RABL6: variants seen among roughly 807,000 people sequenced by gnomAD.
RABL6 encodes rab-like protein 6.
In RABL6, 28 loss-of-function variants were observed where a neutral mutation model predicts 72.9. The ratio of observed to expected loss-of-function variants is 0.38; its 90% CI spans 0.28 to 0.53. The LOEUF is 0.53. Ranked by LOEUF, RABL6 falls within the 20% of genes least tolerant of loss-of-function variation. The probability of loss-of-function intolerance (pLI) is 0.80; values close to 1 mark genes in which losing one functional copy is unlikely to be tolerated. For synonymous variants in RABL6, 477 were observed against 421.2 expected (o/e 1.13, Z -1.62); for missense variants, 1,029 against 1,008.4 (o/e 1.02, Z -0.28).
chr9:136,819,270 C>T (rs1260623183), intron 1 of RABL6, among the ~76,000 whole-genome samples: 2 of 147,690 alleles, frequency 1.4e-5, no homozygotes, highest in South Asian at 2.1e-4. Context: ...TGCAGTGAGC[C>T]GAGATGGTGC....
Position 136,840,433 on chromosome 9 carries a change from A to G in RABL6, c.2101A>G (p.Arg701Gly), listed in dbSNP as rs1457955913. 2.6e-6 allele frequency: 4 copies of G among 1,548,784 alleles called. No individual in the cohort carries two copies. Among genetic ancestry groups the G allele is most frequent in the Admixed American group, 3.9e-5 (2 of 50,852 alleles). Residue 701 changes from arginine (R) to glycine (G), a missense_variant, in exon 15 of 15, where the codon AGG (arginine) becomes GGG (glycine). Physicochemically the swap from Arg to Gly is moderately radical, Grantham distance 125 (BLOSUM62 -2). Transcript: ENST00000311502. Reference protein sequence around the residue: ...RQQRPPRSRERTAADELEAFL... With the variant: ...RQQRPPRSREGTAADELEAFL... The stretch of plus-strand genomic sequence containing the variant: ...GCAGCGGCCCCCGCGCAGCAGGGAG[A>G]GGACGGCTGCCGATGAGCTGGAGGC...
At chr9:136,832,779 G>C in intron 7 of RABL6, 1 of 330,972 alleles carries the variant, frequency 3.0e-6, no homozygotes. Context: ...CCAGGCGTGA[G>C]TCACCGAGGT....
rs1360262420 is a variant in RABL6, at chr9:136,826,338, C to T, written c.313+512C>T. 5.3e-5 allele frequency among the ~76,000 whole-genome samples: 8 copies of T among 152,194 alleles called. No homozygotes were observed. The East Asian group carries it at 1.5e-3, about 29-fold the overall frequency. On this transcript the variant is annotated intron_variant, in intron 3 of 14. Coordinates refer to ENST00000311502, the MANE Select transcript of RABL6 (RefSeq NM_024718.5). This position sits in a 1 kb window ranked among gnomAD's most constrained non-coding sequence, Gnocchi z 4.9. ...CTCCTCAGCCACAAGGTCATGAGTT[C>T]CTCTAAGTCCTCAGGGTGGAGCTCA...
chr9:136,812,946 C>T, intron 1 of RABL6: 1 of 353,204 alleles, frequency 2.8e-6, no homozygotes, highest in Non-Finnish European at 5.6e-6. Context: ...TAGGTTTGGC[C>T]CAGTCCAAGT....
chr9:136,839,685 C>T lies in RABL6; in HGVS notation c.1759-9C>T, dbSNP rs912783190. On this transcript the variant is annotated splice_polypyrimidine_tract_variant and intron_variant, in intron 12 of 14. Transcript: ENST00000311502. The stretch of plus-strand genomic sequence containing the variant: ...ATGATGGCCTGACCAGTTGCTCTCC[C>T]TGCTCCAGGATGACTTTCCCGTGCG... 6.4e-7 allele frequency: 1 copy of T among 1,573,616 alleles called. No homozygotes were observed. Among genetic ancestry groups the T allele is most frequent in the Non-Finnish European group, 8.6e-7 (1 of 1,156,620 alleles).
intron 7 of RABL6, chr9:136,833,661 A>ACCTGAACCTCCTTGCCTGGGCTGCCCCGC (rs1848528418): frequency 6.5e-7 from 1 of 1,535,412 alleles, no homozygotes. Context: ...GGCTGCCCCG[A>ACCTGAACCTCCTTGCCTGGGCTGCCCCGC]CTGGGTCTGG....
chr9:136,819,246 C>T lies in RABL6; in HGVS notation c.131-4279C>T, dbSNP rs576530951. Among the ~76,000 whole-genome samples, 749 of 149,892 alleles carry T rather than the reference C, an allele frequency of 5.0e-3. 7 individuals carry two copies. The highest frequency in any genetic ancestry group is 0.017 in the African/African-American group (711 of 40,716). On this transcript the variant is annotated intron_variant, in intron 1 of 14. Coordinates refer to ENST00000311502, the MANE Select transcript of RABL6 (RefSeq NM_024718.5). ...CTGAGGCAGGAGAATGGCGTGAACC[C>T]GGGAGGCGGAGCTTGCAGTGAGCCG...
At position 136,808,262 on chromosome 9, in the gene RABL6, C is replaced by A; in HGVS notation, c.66C>A (p.Pro22=). 1 of 1,566,268 alleles carries A rather than the reference C, an allele frequency of 6.4e-7. No homozygotes were observed. The highest frequency in any genetic ancestry group is 8.6e-7 in the Non-Finnish European group (1 of 1,157,558). The part of the protein sequence containing the change: ...DQAPGRDKNI[P]AGLQSMNQAL... ...CCCCGGGCCGGGACAAGAACATCCC[C>A]GCCGGGCTGCAGTCCATGAACCAGG... The change falls in exon 1 of 15, where the codon CCC becomes CCA. Residue 22 remains proline, a synonymous_variant. Transcript: ENST00000311502.
intron 1 of RABL6, chr9:136,813,494 C>G: frequency 2.1e-6 from 1 of 466,768 alleles, no homozygotes; most frequent in South Asian, 2.5e-5. Context: ...GGCCATCCAT[C>G]TCTGTTCCCT....
At chr9:136,834,186 C>T (rs1848540579) in intron 7 of RABL6, 1 of 1,252,904 alleles carries the variant, frequency 8.0e-7, no homozygotes, top group Non-Finnish European at 1.0e-6. Context: ...TTTATGTCAC[C>T]TAAAAATATT....
At position 136,839,072 on chromosome 9, in the gene RABL6, A is replaced by G. The variant is rs777001498; in HGVS notation, c.1444A>G (p.Lys482Glu). 27 of 1,612,394 alleles carry G rather than the reference A, an allele frequency of 1.7e-5. No individual in the cohort carries two copies. The highest frequency in any genetic ancestry group is 2.3e-5 in the Non-Finnish European group (27 of 1,179,776). Reference sequence around the variant, plus strand: ...GGAAGCAGAAGTGGCAGCTCCCACAAAAGGCCCTGCCCCAGCTCCCCAGCA... The same window carrying G: ...GGAAGCAGAAGTGGCAGCTCCCACAGAAGGCCCTGCCCCAGCTCCCCAGCA... ...EEEAEVAAPTKGPAPAPQQCS... is the reference protein window; with the variant it reads ...EEEAEVAAPTEGPAPAPQQCS... Residue 482 changes from lysine to glutamate, a missense_variant, in exon 11 of 15, where the codon AAA becomes GAA. Coordinates refer to ENST00000311502, the MANE Select transcript of RABL6 (RefSeq NM_024718.5).
intron 7 of RABL6, 126 bp downstream of exon 7, chr9:136,832,496 G>A (rs1848498478): frequency 1.2e-6 from 1 of 827,894 alleles, no homozygotes; most frequent in Non-Finnish European, 2.1e-6. Context: ...GAGATTGGCT[G>A]CTGGCAAGGG....
Position 136,832,552 on chromosome 9 carries a change from AG to A in RABL6, c.705+185del, listed in dbSNP as rs1588367318. On this transcript the variant is annotated intron_variant, in intron 7 of 14. Coordinates refer to ENST00000311502, the MANE Select transcript of RABL6 (RefSeq NM_024718.5). ...GCCTGCTCTGGGTGGCAGAGGGTAC[AG>A]GGTCCTGAGGGCTAGACCCAGTCCC... 7 of 693,386 alleles carry A rather than the reference AG, an allele frequency of 1.0e-5. No individual in the cohort carries two copies. The East Asian group carries it at 1.9e-4, about 19-fold the overall frequency. 43.0% of individuals were successfully genotyped at this position (693,386 alleles called of 1,614,324 possible). A position where few individuals can be genotyped will look rare whatever the true frequency, so the allele number is the denominator to read the frequency against.
At chr9:136,838,111 G>A in intron 10 of RABL6, 96 bp downstream of exon 10, 2 of 1,426,092 alleles carry the variant, frequency 1.4e-6, no homozygotes, top group Non-Finnish European at 9.5e-7. Context: ...CGCAGAAGGG[G>A]CCCCCCGCCG....
intron 4 of RABL6, 128 bp downstream of exon 4, chr9:136,828,674 C>A (rs1028077738): frequency 3.2e-6 from 3 of 942,824 alleles, no homozygotes; most frequent in African/African-American, 1.7e-5. Context: ...GGCCGCTGGC[C>A]TTCCCAACTG....
At chr9:136,832,236 C>T in intron 6 of RABL6, 29 bp from the exon 7 acceptor site, 1 of 1,595,688 alleles carries the variant, frequency 6.3e-7, no homozygotes, top group South Asian at 1.1e-5. Flanking sequence ...GGGTCTTTCT[C>T]TTGCATCTTT....
At chr9:136,840,088 T>A (rs1588375925) in intron 13 of RABL6, 66 bp from the exon 14 acceptor site, 2 of 1,604,236 alleles carry the variant, frequency 1.2e-6, no homozygotes, top group East Asian at 4.5e-5. Context: ...TCTAGAGAAG[T>A]CCTGTCACCC....
At chr9:136,817,574 T>TGGGGAGGCCGACTTGGGCTGA (rs1848145774) in intron 1 of RABL6, among the ~76,000 whole-genome samples, 1 of 104,674 alleles carries the variant, frequency 9.6e-6, no homozygotes, top group Non-Finnish European at 2.0e-5. Flanking sequence ...ACGTGGGCTG[T>TGGGGAGGCCGACTTGGGCTGA]GGGGAGGCCG....
In RABL6 at chr9:136,839,533, C is replaced by T. The variant is rs1194081575; in HGVS notation, c.1758+47C>T. ...CAGAGGTCAGCCAGGTGGCCAGGGT[C>T]CCTCCCACAGGCCTGATCTGGGTGG... On this transcript the variant is annotated intron_variant, in intron 12 of 14. Transcript: ENST00000311502. 3 of 1,578,946 alleles carry T rather than the reference C, an allele frequency of 1.9e-6. No homozygotes were observed. In the African/African-American group the frequency reaches 4.0e-5, roughly 21 times the overall value.
Sources: gnomAD v4.1 joint callset for allele counts (sites outside exome capture counted in the v4.1 genomes callset) on GRCh38, gnomAD v4.1.1 for gene constraint, Gnocchi (gnomAD v3.1) non-coding constraint, MANE v1.5 for transcripts, NCBI Gene and HGNC (gene_info 2026-07-23, HGNC 2026-07-21) for gene names.